The following SYT14 variants were observed in gnomAD, a reference collection of about 807,000 sequenced individuals.
SYT14 encodes the protein synaptotagmin 14.
A neutral mutation model predicts 74.2 loss-of-function variants in SYT14; 32 were observed. That is an observed-to-expected ratio of 0.43 (90% CI 0.33 to 0.58). SYT14 has a LOEUF of 0.58. SYT14 is among the 20% of genes least tolerant of loss of function. The pLI is 0.05. For missense variants in SYT14, 791 were observed against 981.8 expected, an observed-to-expected ratio of 0.81 and a Z score of 2.60; for synonymous variants, 298 against 337.7, an observed-to-expected ratio of 0.88 and a Z score of 1.29.
chr1:210,034,472 AAGT>A lies in SYT14; in HGVS notation c.1312+13220_1312+13222del, dbSNP rs2080612078. Among the ~76,000 whole-genome samples, 9 of 151,742 alleles carry A rather than the reference AAGT, an allele frequency of 5.9e-5. No individual in the cohort carries two copies. The South Asian group carries it at 1.9e-3, about 31-fold the overall frequency. On this transcript the variant is annotated intron_variant, in intron 5 of 9. Coordinates refer to ENST00000637265, the Ensembl canonical transcript of SYT14. ...ATTTTTAAATAGATGTAAGGGGTAC[AAGT>A]ACAGTGTTGTTGCATAGATATATTG...
At chr1:210,127,773 C>T (rs1279728350) in intron 7 of SYT14, among the ~76,000 whole-genome samples, 9 of 152,130 alleles carry the variant, frequency 5.9e-5, no homozygotes, top group Admixed American at 5.9e-4. Flanking sequence ...CTCCTGTAAT[C>T]CCAGCACTTT....
intron 7 of SYT14, among the ~76,000 whole-genome samples, chr1:210,129,220 T>C (rs2082627674): frequency 6.6e-6 from 1 of 152,230 alleles, no homozygotes; most frequent in Non-Finnish European, 1.5e-5. Context: ...TAAGCAATAA[T>C]AAAGACCTAG....
At chr1:210,017,737 G>A (rs1226507463) in intron 4 of SYT14, among the ~76,000 whole-genome samples, 1 of 152,084 alleles carries the variant, frequency 6.6e-6, no homozygotes, top group Non-Finnish European at 1.5e-5. Flanking sequence ...CACAGTATTT[G>A]TGATAATTTT....
chr1:210,125,790 A>G (rs1216431357), intron 7 of SYT14, among the ~76,000 whole-genome samples: 1 of 152,246 alleles, frequency 6.6e-6, no homozygotes, highest in Non-Finnish European at 1.5e-5. Flanking sequence ...TTAAAATTAT[A>G]TCTAGGCAGT....
intron 4 of SYT14, among the ~76,000 whole-genome samples, chr1:210,019,406 A>G (rs1194475032): frequency 1.3e-5 from 2 of 152,152 alleles, no homozygotes. Flanking sequence ...ATATCTCTGC[A>G]TTGTTCCATA....
intron 5 of SYT14, among the ~76,000 whole-genome samples, chr1:210,093,057 G>A (rs1232031559): frequency 6.6e-6 from 1 of 152,112 alleles, no homozygotes; most frequent in Non-Finnish European, 1.5e-5. Context: ...CACATATATT[G>A]AGAGATGACT....
Position 210,030,908 on chromosome 1 carries a change from G to GTTTGTTTTGTTTTGTTTTGT in SYT14, c.1312+9671_1312+9690dup, listed in dbSNP as rs10650636. Among the ~76,000 whole-genome samples, 495 of 149,054 alleles carry GTTTGTTTTGTTTTGTTTTGT rather than the reference G, an allele frequency of 3.3e-3. 8 individuals carry two copies. In the South Asian group the frequency reaches 0.037, roughly 11 times the overall value. ...AATTAGTATGGGAAGGCAGTGTTTT[G>GTTTGTTTTGTTTTGTTTTGT]TTTGTTTTGTTTTGTTTTGTTTTGT... On this transcript the variant is annotated intron_variant, in intron 5 of 9. Coordinates refer to ENST00000637265, the Ensembl canonical transcript of SYT14.
chr1:210,084,294 C>G (rs1259181133), intron 5 of SYT14, among the ~76,000 whole-genome samples: 1 of 152,098 alleles, frequency 6.6e-6, no homozygotes, highest in Non-Finnish European at 1.5e-5. Context: ...GTAAAGAGGC[C>G]AACAAAGCTT....
chr1:210,151,513 C>CCTTTTTTTTTTTTTTTTTTT (rs397863025), intron 7 of SYT14, among the ~76,000 whole-genome samples: 2 of 131,306 alleles, frequency 1.5e-5, no homozygotes. Context: ...TGCCCCCCCC[C>CCTTTTTTTTTTTTTTTTTTT]TTTTTTTTTT....
At chr1:209,938,388 G>C in intron 1 of SYT14, 111 bp downstream of exon 1, 4 of 1,157,512 alleles carry the variant, frequency 3.5e-6, no homozygotes, top group Non-Finnish European at 3.6e-6. Context: ...CTGTGGTCTG[G>C]AGCCGGCTGA....
At chr1:209,990,377 A>G (rs902545094) in intron 2 of SYT14, among the ~76,000 whole-genome samples, 1 of 151,012 alleles carries the variant, frequency 6.6e-6, no homozygotes, top group Non-Finnish European at 1.5e-5. Flanking sequence ...TATTTAGCCC[A>G]ATATTTCCTG....
At chr1:210,090,664 G>A (rs1291116976) in intron 5 of SYT14, among the ~76,000 whole-genome samples, 1 of 152,100 alleles carries the variant, frequency 6.6e-6, no homozygotes, top group African/African-American at 2.4e-5. Flanking sequence ...AGTAATGGGA[G>A]GGCATCATCA....
chr1:210,070,440 T>G (rs2081371649), intron 5 of SYT14, among the ~76,000 whole-genome samples: 1 of 152,122 alleles, frequency 6.6e-6, no homozygotes, highest in South Asian at 2.1e-4. Flanking sequence ...TCTTAGCAGT[T>G]TATGGACAAA....
chr1:209,947,009 A>T (rs1173380815), intron 1 of SYT14, among the ~76,000 whole-genome samples: 1 of 152,194 alleles, frequency 6.6e-6, no homozygotes, highest in Non-Finnish European at 1.5e-5. Context: ...GTTTTAAATG[A>T]CAGAACATCT....
chr1:210,152,613 C>T (rs1393017229), intron 7 of SYT14, among the ~76,000 whole-genome samples: 1 of 151,998 alleles, frequency 6.6e-6, no homozygotes, highest in African/African-American at 2.4e-5. Context: ...AGTGTGCAAC[C>T]CATTTATCAC....
At chr1:210,121,266 A>G (rs992333828) in intron 7 of SYT14, among the ~76,000 whole-genome samples, 1 of 152,224 alleles carries the variant, frequency 6.6e-6, no homozygotes, top group Non-Finnish European at 1.5e-5. Flanking sequence ...TTATCCATGT[A>G]TGAATAAATT....
chr1:210,027,185 A>G (rs1340618492), intron 5 of SYT14, among the ~76,000 whole-genome samples: 1 of 152,196 alleles, frequency 6.6e-6, no homozygotes, highest in Admixed American at 6.5e-5. Context: ...TAGAAAAAAG[A>G]AAATGTTATT....
intron 5 of SYT14, among the ~76,000 whole-genome samples, chr1:210,048,085 T>A (rs2080920244): frequency 6.6e-6 from 1 of 152,216 alleles, no homozygotes; most frequent in Admixed American, 6.5e-5. Flanking sequence ...AATATCCTGT[T>A]CCCCAATACC....
At chr1:209,950,422 A>G (rs998193413) in intron 1 of SYT14, among the ~76,000 whole-genome samples, 1 of 152,184 alleles carries the variant, frequency 6.6e-6, no homozygotes, top group Non-Finnish European at 1.5e-5. Flanking sequence ...AAAGAACTGT[A>G]GTATGTAGGT....
Sources: gnomAD v4.1 joint callset for allele counts (sites outside exome capture counted in the v4.1 genomes callset) on GRCh38, gnomAD v4.1.1 for gene constraint, MANE v1.5 for transcripts, NCBI Gene and HGNC (gene_info 2026-07-23, HGNC 2026-07-21) for gene names.